Variants in CRADD observed in about 807,000 individuals in gnomAD.
CRADD encodes death domain-containing protein CRADD.
CRADD carries 9 observed loss-of-function variants against 15.5 expected under a neutral mutation model. The ratio of observed to expected loss-of-function variants is 0.58; its 90% CI spans 0.35 to 1.01. The LOEUF (loss-of-function observed/expected upper bound fraction) is 1.01, where lower values mean the gene tolerates loss of function less well. Among genes scored for constraint, CRADD ranks in the 50% least tolerant of loss-of-function variants. The probability of loss-of-function intolerance (pLI) is 0.02; values close to 1 mark genes in which losing one functional copy is unlikely to be tolerated. For missense variants in CRADD, 227 were observed against 250.3 expected (o/e 0.91, Z 0.63); for synonymous variants, 118 against 107.6 (o/e 1.10, Z -0.60).
At chr12:93,690,820 C>T (rs1277379726) in intron 2 of CRADD, among the ~76,000 whole-genome samples, 1 of 152,202 alleles carries the variant, frequency 6.6e-6, no homozygotes, top group Non-Finnish European at 1.5e-5. Flanking sequence ...TGATTGGAGT[C>T]ACATGGCTTA....
chr12:93,847,498 GAAA>G (rs11378030), intron 2 of CRADD, among the ~76,000 whole-genome samples: 3 of 62,934 alleles, frequency 4.8e-5, no homozygotes, highest in East Asian at 6.8e-4. Flanking sequence ...AGCATTGCTT[GAAA>G]AAAAAAAAAA....
intron 2 of CRADD, among the ~76,000 whole-genome samples, chr12:93,817,487 C>T (rs1287174695): frequency 6.6e-6 from 1 of 152,152 alleles, no homozygotes; most frequent in Non-Finnish European, 1.5e-5. Context: ...TAAGCAACTC[C>T]TCCAAGGTCA....
At position 93,837,280 on chromosome 12, in the gene CRADD, T is replaced by TG. The variant is rs1370685759; in HGVS notation, c.299-12690_299-12689insG. On this transcript the variant is annotated intron_variant, in intron 2 of 2. Transcript: ENST00000332896. ...GTTTGTTTGTTTGTTTGTTTTTGTTTTTTTTTTTAGAGGGAGTCTCGCTGT... is the reference window on the plus strand; with the variant it reads ...GTTTGTTTGTTTGTTTGTTTTTGTTTGTTTTTTTTAGAGGGAGTCTCGCTGT... 2.3e-3 allele frequency: 339 copies of TG among 150,084 alleles called. 7 individuals are homozygous for TG. Among genetic ancestry groups the TG allele is most frequent in the African/African-American group, 8.3e-3 (320 of 38,520 alleles). The allele number at this position is 150,084 out of a possible 1,614,324, so 9.3% of individuals were successfully genotyped here.
At chr12:93,857,304 TC>T (rs1480843241) in intron 2 of CRADD, among the ~76,000 whole-genome samples, 1 of 152,232 alleles carries the variant, frequency 6.6e-6, no homozygotes, top group Non-Finnish European at 1.5e-5. Flanking sequence ...TACTAGTCTT[TC>T]TTCTGGTGAC....
At chr12:93,695,145 A>G (rs770528865) in intron 2 of CRADD, among the ~76,000 whole-genome samples, 14 of 152,224 alleles carry the variant, frequency 9.2e-5, no homozygotes, top group Non-Finnish European at 1.0e-4. Flanking sequence ...AACAGAATAG[A>G]TAGTCCAGAA....
intron 2 of CRADD, among the ~76,000 whole-genome samples, chr12:93,746,603 A>C (rs1199321261): frequency 6.6e-6 from 1 of 152,216 alleles, no homozygotes; most frequent in Non-Finnish European, 1.5e-5. Flanking sequence ...GTATTCCAAA[A>C]GTTCCTTTTT....
In CRADD at chr12:93,702,366, C is replaced by T. The variant is rs185637427; in HGVS notation, c.298+23294C>T. Among the ~76,000 whole-genome samples the T allele has an allele frequency of 5.9e-5, 9 of 152,074 alleles. No individual in the cohort carries two copies. In the East Asian group the frequency reaches 1.7e-3, roughly 29 times the overall value. ...GGCCTAGGGAGAGAAAAAAAACCAT[C>T]ACTTCAACTCCTGTCTTCCAGGGTG... On this transcript the variant is annotated intron_variant, in intron 2 of 2. Transcript: ENST00000332896.
At chr12:93,748,657 A>G (rs1956795027) in intron 2 of CRADD, among the ~76,000 whole-genome samples, 1 of 122,768 alleles carries the variant, frequency 8.1e-6, no homozygotes. Flanking sequence ...TGGGGAAGTG[A>G]TCTGCAAAAG....
At chr12:93,817,581 A>G (rs1016252766) in intron 2 of CRADD, among the ~76,000 whole-genome samples, 4 of 151,676 alleles carry the variant, frequency 2.6e-5, no homozygotes, top group Admixed American at 2.0e-4. Flanking sequence ...CTTCTTAGTC[A>G]TCCTTCTTTT....
At chr12:93,809,009 G>A (rs1957587695) in intron 2 of CRADD, among the ~76,000 whole-genome samples, 1 of 152,016 alleles carries the variant, frequency 6.6e-6, no homozygotes, top group Non-Finnish European at 1.5e-5. Context: ...CCTTCTCCCA[G>A]GTTCAAGCGA....
chr12:93,816,124 T>G (rs2137012973), intron 2 of CRADD: 1 of 152,368 alleles, frequency 6.6e-6, no homozygotes, highest in South Asian at 2.1e-4. Flanking sequence ...AATGATATAT[T>G]TTATTTAACC....
At chr12:93,817,702 T>G (rs924821291) in intron 2 of CRADD, among the ~76,000 whole-genome samples, 1 of 152,030 alleles carries the variant, frequency 6.6e-6, no homozygotes, top group Non-Finnish European at 1.5e-5. Context: ...TCGAATCCAC[T>G]CTCGGTGGCC....
chr12:93,720,202 G>A (rs1956234049), intron 2 of CRADD, among the ~76,000 whole-genome samples: 1 of 151,986 alleles, frequency 6.6e-6, no homozygotes, highest in Non-Finnish European at 1.5e-5. Context: ...ACTTAGAAGT[G>A]TATTGTTTTA....
At chr12:93,822,568 G>C (rs1957780585) in intron 2 of CRADD, among the ~76,000 whole-genome samples, 1 of 152,184 alleles carries the variant, frequency 6.6e-6, no homozygotes, top group African/African-American at 2.4e-5. Context: ...TAGAGAAGCA[G>C]ACTGTTTGGG....
rs868621713 is a variant in CRADD at position 93,882,407 on chromosome 12, C to T, written c.299-11643C>T. On this transcript the variant is annotated intron_variant, in intron 2 of 2. Coordinates refer to the CRADD transcript ENST00000548483. The stretch of plus-strand genomic sequence containing the variant: ...CTGTACTCCAGCCAGGGCGACAGAG[C>T]GAGACTCTGTCTCAAAAAAAAAAAA... Among the ~76,000 whole-genome samples, 194 of 128,524 alleles carry T rather than the reference C, an allele frequency of 1.5e-3. 1 individual carries two copies. Among genetic ancestry groups the T allele is most frequent in the African/African-American group, 5.5e-3 (180 of 32,614 alleles). The allele number at this position is 128,524 out of a possible 152,430, so 84.3% of individuals were successfully genotyped here. A position where few individuals can be genotyped will look rare whatever the true frequency, so the allele number is the denominator to read the frequency against.
At chr12:93,808,096 G>A (rs1282073462) in intron 2 of CRADD, among the ~76,000 whole-genome samples, 1 of 151,730 alleles carries the variant, frequency 6.6e-6, no homozygotes, top group Non-Finnish European at 1.5e-5. Flanking sequence ...GGTGTCCTGG[G>A]AGTGAAGACT....
At chr12:93,738,143 G>A in intron 2 of CRADD, 1 of 598,252 alleles carries the variant, frequency 1.7e-6, no homozygotes, top group Non-Finnish European at 3.0e-6. Flanking sequence ...ATGTTCTGCT[G>A]TTTCTTAGCT....
intron 2 of CRADD, among the ~76,000 whole-genome samples, chr12:93,866,023 T>A (rs529935056): frequency 6.6e-6 from 1 of 152,282 alleles, no homozygotes; most frequent in South Asian, 2.1e-4. Context: ...GTCATTCTGA[T>A]TTTTTATTAG....
At chr12:93,883,924 C>G (rs2137074846) in intron 2 of CRADD, among the ~76,000 whole-genome samples, 1 of 152,126 alleles carries the variant, frequency 6.6e-6, no homozygotes. Context: ...GAATGGAATC[C>G]CAGAGGCCTC....
Sources: allele counts gnomAD v4.1 joint callset (sites outside exome capture counted in the v4.1 genomes callset), GRCh38; gene constraint gnomAD v4.1.1; transcripts MANE v1.5; gene names NCBI Gene and HGNC (gene_info 2026-07-23, HGNC 2026-07-21).